GRHL2: variants seen among roughly 807,000 people sequenced by gnomAD.
The protein encoded by GRHL2 is grainyhead-like protein 2 homolog.
A neutral mutation model predicts 83.8 loss-of-function variants in GRHL2; 21 were observed. That is an observed-to-expected ratio of 0.25 (90% CI 0.18 to 0.36). GRHL2 has a LOEUF of 0.36. GRHL2 is among the 10% of genes least tolerant of loss of function. GRHL2 has a pLI of 1.00. For synonymous variants in GRHL2, 280 were observed against 278.9 expected (o/e 1.00, Z -0.04); for missense variants, 623 against 781.8 (o/e 0.80, Z 2.42).
intron 14 of GRHL2, among the ~76,000 whole-genome samples, chr8:101,652,445 G>GTGTGGTGTGTGTC (rs1813668982): frequency 1.1e-5 from 1 of 94,924 alleles, no homozygotes; most frequent in Non-Finnish European, 2.1e-5. Flanking sequence ...TCTGGTGTGT[G>GTGTGGTGTGTGTC]TGGTGTGTGT....
chr8:101,622,072 A>C (rs1465572974), intron 9 of GRHL2, among the ~76,000 whole-genome samples: 4 of 152,226 alleles, frequency 2.6e-5, no homozygotes, highest in African/African-American at 7.2e-5. Flanking sequence ...CAGTATAACC[A>C]ATACAAAATA....
chr8:101,672,194 G>C (rs1392564373), downstream of GRHL2, among the ~76,000 whole-genome samples: 1 of 151,750 alleles, frequency 6.6e-6, no homozygotes, highest in East Asian at 1.9e-4. Flanking sequence ...GCGGAACAAA[G>C]CTGGATGGGG....
chr8:101,616,676 T>C (rs1336433255), intron 8 of GRHL2, among the ~76,000 whole-genome samples: 2 of 152,190 alleles, frequency 1.3e-5, no homozygotes, highest in African/African-American at 4.8e-5. Flanking sequence ...TGTGCACACC[T>C]GCCTCTCTGT....
chr8:101,570,962 T>C (rs555261669), intron 5 of GRHL2, among the ~76,000 whole-genome samples: 21 of 152,344 alleles, frequency 1.4e-4, no homozygotes, highest in Admixed American at 3.3e-4. Context: ...TCTTTTTTAT[T>C]CCACTGTGCA....
intron 13 of GRHL2, among the ~76,000 whole-genome samples, chr8:101,645,898 C>T (rs1207125624): frequency 1.3e-5 from 2 of 152,034 alleles, no homozygotes; most frequent in East Asian, 1.9e-4. Context: ...TTTTTTGAGA[C>T]AGAGTCTCAT....
chr8:101,573,847 A>G (rs199614266), intron 6 of GRHL2, 23 bp downstream of exon 6: 1 of 1,613,978 alleles, frequency 6.2e-7, no homozygotes, highest in East Asian at 2.2e-5. Flanking sequence ...TTTCTCAGAT[A>G]AAGTACAAAG....
Position 101,527,793 on chromosome 8 carries a change from G to T in GRHL2, c.21-15448G>T, listed in dbSNP as rs139007808. On this transcript the variant is annotated intron_variant, in intron 1 of 15. Coordinates refer to ENST00000646743, the MANE Select transcript of GRHL2 (RefSeq NM_024915.4). ...CACGACTAAACAGGTATTTTATTTTGCCATCACACTTTATTGATCTTTTGC... is the reference window on the plus strand; with the variant it reads ...CACGACTAAACAGGTATTTTATTTTTCCATCACACTTTATTGATCTTTTGC... Among the ~76,000 whole-genome samples, 147 of 151,974 alleles carry T rather than the reference G, an allele frequency of 9.7e-4. 1 individual carries two copies. Among genetic ancestry groups the T allele is most frequent in the African/African-American group, 3.5e-3 (144 of 41,490 alleles).
chr8:101,506,372 T>C (rs1352102331), intron 1 of GRHL2, among the ~76,000 whole-genome samples: 1 of 152,218 alleles, frequency 6.6e-6, no homozygotes, highest in Non-Finnish European at 1.5e-5. Context: ...GTTAATACTT[T>C]GTCTTTTCTT....
the GRHL2 span, among the ~76,000 whole-genome samples, chr8:101,675,946 A>G: frequency 6.6e-6 from 1 of 152,186 alleles, no homozygotes; most frequent in African/African-American, 2.4e-5. Context: ...CCTGAGAAAA[A>G]CAAGCAATGG....
intron 1 of GRHL2, among the ~76,000 whole-genome samples, chr8:101,498,378 C>T (rs1810151818): frequency 6.6e-6 from 1 of 152,176 alleles, no homozygotes; most frequent in Admixed American, 6.5e-5. Flanking sequence ...CCTTAGCCTC[C>T]CAAAGTGCTG....
chr8:101,600,708 G>A (rs1812491850), intron 8 of GRHL2, among the ~76,000 whole-genome samples: 1 of 152,184 alleles, frequency 6.6e-6, no homozygotes, highest in Admixed American at 6.5e-5. Context: ...CTCTGCTGCA[G>A]CCAGCATCAT....
intron 1 of GRHL2, among the ~76,000 whole-genome samples, chr8:101,524,216 G>T (rs1257708779): frequency 6.6e-6 from 1 of 152,134 alleles, no homozygotes; most frequent in African/African-American, 2.4e-5. Context: ...GAAGAGAATT[G>T]TCACATCTAA....
At chr8:101,503,782 G>C (rs970412322) in intron 1 of GRHL2, among the ~76,000 whole-genome samples, 1 of 152,166 alleles carries the variant, frequency 6.6e-6, no homozygotes, top group African/African-American at 2.4e-5. Context: ...TTAATGATAA[G>C]AGAAAGTGTT....
chr8:101,662,868 TAC>T (rs10682491), intron 14 of GRHL2, among the ~76,000 whole-genome samples: 14,746 of 146,226 alleles, frequency 0.1, 800 homozygotes, highest in South Asian at 0.14. Context: ...TACATATATA[TAC>T]ATATATATAT....
intron 1 of GRHL2, among the ~76,000 whole-genome samples, chr8:101,526,108 C>G (rs920710571): frequency 2.6e-5 from 4 of 152,188 alleles, no homozygotes; most frequent in African/African-American, 9.7e-5. Context: ...TTCATTCAAT[C>G]TATTACAAAA....
chr8:101,670,341 A>C (rs919993533), downstream of GRHL2, among the ~76,000 whole-genome samples: 17 of 152,234 alleles, frequency 1.1e-4, no homozygotes, highest in Non-Finnish European at 2.2e-4. Context: ...GCATTTCTAC[A>C]TTCTTCTACA....
chr8:101,654,941 G>C (rs1813752393), intron 14 of GRHL2, among the ~76,000 whole-genome samples: 1 of 152,190 alleles, frequency 6.6e-6, no homozygotes, highest in South Asian at 2.1e-4. Context: ...CCAACACTTT[G>C]GGAGGTTGAG....
intron 15 of GRHL2, 73 bp from the exon 16 acceptor site, chr8:101,666,516 T>C (rs1814061079): frequency 3.5e-6 from 3 of 858,632 alleles, no homozygotes; most frequent in South Asian, 2.7e-5. Context: ...ACCCCCAGCC[T>C]GGAGCTCCCC....
intron 9 of GRHL2, among the ~76,000 whole-genome samples, chr8:101,631,358 T>C (rs1163571224): frequency 1.3e-5 from 2 of 152,230 alleles, no homozygotes; most frequent in Admixed American, 1.3e-4. Context: ...TCTTTCCATA[T>C]GGATTCAAAA....
Sources: allele counts gnomAD v4.1 joint callset (sites outside exome capture counted in the v4.1 genomes callset), GRCh38; gene constraint gnomAD v4.1.1; transcripts MANE v1.5; gene names NCBI Gene and HGNC (gene_info 2026-07-23, HGNC 2026-07-21).